The following FRAS1 variants were observed in gnomAD, a reference collection of about 807,000 sequenced individuals.
FRAS1 encodes the protein Fraser extracellular matrix complex subunit 1, also known as extracellular matrix organizing protein FRAS1.
FRAS1 carries 290 observed loss-of-function variants against 435.2 expected under a neutral mutation model. The observed-to-expected ratio is 0.67, with a 90% CI of 0.61 to 0.73. The LOEUF (loss-of-function observed/expected upper bound fraction) is 0.73, where lower values mean the gene tolerates loss of function less well. Ranked by LOEUF, FRAS1 falls within the 30% of genes least tolerant of loss-of-function variation. The probability of loss-of-function intolerance (pLI) is 0.00; values close to 1 mark genes in which losing one functional copy is unlikely to be tolerated. For synonymous variants in FRAS1, 1,800 were observed against 1,851.0 expected (o/e 0.97, Z 0.71); for missense variants, 4,860 against 5,001.5 (o/e 0.97, Z 0.85).
At chr4:78,248,620 C>T (rs1459397743) in intron 4 of FRAS1, among the ~76,000 whole-genome samples, 2 of 152,128 alleles carry the variant, frequency 1.3e-5, no homozygotes, top group Non-Finnish European at 2.9e-5. Context: ...GCCTTGTTCT[C>T]CTCAAAGTAG....
rs1261375516 is a variant in FRAS1, at chr4:78,387,630, GTTGCAGTC to G, written c.3911_3918del (p.Val1304GlyfsTer3). 7 of 1,608,640 alleles carry G rather than the reference GTTGCAGTC, an allele frequency of 4.4e-6. No homozygotes were observed. Among genetic ancestry groups the G allele is most frequent in the Non-Finnish European group, 6.0e-6 (7 of 1,176,140 alleles). Reference sequence around the variant, plus strand: ...TGATGGTTCAGACAGCACATCCGATGTTGCAGTCTTGCAGGCCAATGATGGACACTCCT... The same window carrying G: ...TGATGGTTCAGACAGCACATCCGATGTTGCAGGCCAATGATGGACACTCCT... On this transcript the variant is annotated frameshift_variant, in exon 29 of 74. Transcript: ENST00000512123. LOFTEE classifies it high-confidence loss of function.
chr4:78,157,328 C>T (rs768583976), intron 2 of FRAS1, among the ~76,000 whole-genome samples: 97 of 152,180 alleles, frequency 6.4e-4, no homozygotes, highest in African/African-American at 1.6e-3. Context: ...TATTTTCCTT[C>T]GGGGGTATAT....
chr4:78,292,500 G>A (rs1578232676), intron 14 of FRAS1, among the ~76,000 whole-genome samples: 1 of 152,178 alleles, frequency 6.6e-6, no homozygotes, highest in Admixed American at 6.5e-5. Context: ...TTGTTGGAAC[G>A]ATGGTTGACT....
At chr4:78,198,360 A>G (rs936706519) in intron 2 of FRAS1, among the ~76,000 whole-genome samples, 1 of 151,588 alleles carries the variant, frequency 6.6e-6, no homozygotes, top group Non-Finnish European at 1.5e-5. Flanking sequence ...TTTATGACAA[A>G]CCTTTGCATT....
chr4:78,198,454 G>A lies in FRAS1; in HGVS notation c.109-39056G>A, dbSNP rs369696958. 1.4e-4 allele frequency among the ~76,000 whole-genome samples: 22 copies of A among 152,216 alleles called. No homozygotes were observed. In the East Asian group the frequency reaches 3.5e-3, roughly 24 times the overall value. ...ATCTTCCCAAATGAATTAAGTCCTT[G>A]ACCTTGTCTCAGGCCCTGCTTTGAG... On this transcript the variant is annotated intron_variant, in intron 2 of 73. Coordinates refer to ENST00000512123, the MANE Select transcript of FRAS1 (RefSeq NM_025074.7).
chr4:78,403,920 C>G lies in FRAS1; in HGVS notation c.4129+3033C>G, dbSNP rs144736672. Among the ~76,000 whole-genome samples, 104 of 152,176 alleles carry G rather than the reference C, an allele frequency of 6.8e-4. No individual in the cohort carries two copies. The East Asian group carries it at 0.019, about 27-fold the overall frequency. ...TTAAATATCTCATGTAACTTATTAA[C>G]TACTGTACTGAAAGTGAAAAACAAT... On this transcript the variant is annotated intron_variant, in intron 30 of 73. Coordinates refer to ENST00000512123, the MANE Select transcript of FRAS1 (RefSeq NM_025074.7).
chr4:78,528,587 G>T (rs1312727408), intron 70 of FRAS1, among the ~76,000 whole-genome samples: 1 of 152,126 alleles, frequency 6.6e-6, no homozygotes, highest in Non-Finnish European at 1.5e-5. Context: ...GGGTGTATCA[G>T]TATTTGTTCC....
At chr4:78,139,988 T>C (rs1720090086) in intron 2 of FRAS1, among the ~76,000 whole-genome samples, 1 of 152,210 alleles carries the variant, frequency 6.6e-6, no homozygotes. Context: ...TAGCTGAACT[T>C]TTTGTGCATT....
intron 2 of FRAS1, among the ~76,000 whole-genome samples, chr4:78,215,204 AT>A (rs1273701059): frequency 6.6e-6 from 1 of 151,754 alleles, no homozygotes; most frequent in African/African-American, 2.4e-5. Context: ...TATTATTATT[AT>A]TATTATTTTG....
intron 2 of FRAS1, among the ~76,000 whole-genome samples, chr4:78,222,941 G>A (rs1724119278): frequency 6.6e-6 from 1 of 152,204 alleles, no homozygotes; most frequent in African/African-American, 2.4e-5. Context: ...TGTACCAGAA[G>A]TGTAATTGCT....
chr4:78,363,439 G>A, intron 20 of FRAS1, 74 bp from the exon 21 acceptor site: 1 of 1,420,314 alleles, frequency 7.0e-7, no homozygotes, highest in Non-Finnish European at 9.5e-7. Flanking sequence ...AATCTCTTCT[G>A]CCCTTCTGTG....
Position 78,141,999 on chromosome 4 carries a change from G to A in FRAS1, c.108+75983G>A, listed in dbSNP as rs534953848. 2.6e-5 allele frequency among the ~76,000 whole-genome samples: 4 copies of A among 152,194 alleles called. No individual in the cohort carries two copies. The East Asian group carries it at 7.7e-4, about 29-fold the overall frequency. On this transcript the variant is annotated intron_variant, in intron 2 of 73. Coordinates refer to ENST00000512123, the MANE Select transcript of FRAS1 (RefSeq NM_025074.7). ...GGACTGGGGAGAAGCATGGGAGGGG[G>A]ATGAGGGATAAAAGACTACAAATAT...
intron 23 of FRAS1, 95 bp from the exon 24 acceptor site, chr4:78,372,623 A>C: frequency 6.9e-7 from 1 of 1,453,408 alleles, no homozygotes; most frequent in South Asian, 1.2e-5. Flanking sequence ...TCCTTATTTT[A>C]CTCCTTGCAG....
intron 2 of FRAS1, among the ~76,000 whole-genome samples, chr4:78,195,155 G>A (rs149019853): frequency 0.022 from 3,409 of 152,256 alleles, 68 homozygotes; most frequent in African/African-American, 0.048. Flanking sequence ...AGGAGTACCC[G>A]GCCGTGTGAG....
At chr4:78,154,802 T>G (rs1720813816) in intron 2 of FRAS1, among the ~76,000 whole-genome samples, 1 of 151,864 alleles carries the variant, frequency 6.6e-6, no homozygotes. Flanking sequence ...TATCCAAGAG[T>G]TAGTATGCGC....
intron 2 of FRAS1, among the ~76,000 whole-genome samples, chr4:78,196,761 G>GAAGTA (rs1722829580): frequency 6.6e-6 from 1 of 152,166 alleles, no homozygotes; most frequent in Non-Finnish European, 1.5e-5. Context: ...AAACGTATGT[G>GAAGTA]AAGTATTTGG....
At chr4:78,102,684 T>C (rs1423321878) in intron 2 of FRAS1, among the ~76,000 whole-genome samples, 1 of 152,130 alleles carries the variant, frequency 6.6e-6, no homozygotes, top group Non-Finnish European at 1.5e-5. Flanking sequence ...ACTATAAAGA[T>C]TTTATTACCT....
intron 29 of FRAS1, among the ~76,000 whole-genome samples, chr4:78,398,356 T>A (rs1428695835): frequency 6.6e-6 from 1 of 152,240 alleles, no homozygotes; most frequent in East Asian, 1.9e-4. Context: ...CAGATTCTGA[T>A]TCAGAAAGTC....
chr4:78,374,596 G>A (rs570798210), intron 25 of FRAS1, among the ~76,000 whole-genome samples: 43 of 152,284 alleles, frequency 2.8e-4, no homozygotes, highest in African/African-American at 9.6e-4. Flanking sequence ...AATTTTTAGT[G>A]TTTAGACTAA....
Sources: allele counts gnomAD v4.1 joint callset (sites outside exome capture counted in the v4.1 genomes callset), GRCh38; gene constraint gnomAD v4.1.1; transcripts MANE v1.5; gene names NCBI Gene and HGNC (gene_info 2026-07-23, HGNC 2026-07-21).